ACOT11: variants seen among roughly 807,000 people sequenced by gnomAD.
ACOT11 encodes the protein acyl-coenzyme A thioesterase 11.
Under a neutral mutation model 77.5 loss-of-function variants are expected in ACOT11, and 69 were observed. The observed-to-expected ratio is 0.89, with a 90% CI of 0.73 to 1.09. The LOEUF (loss-of-function observed/expected upper bound fraction) is 1.09, where lower values mean the gene tolerates loss of function less well. ACOT11 is among the 50% of genes least tolerant of loss of function. The pLI is 0.00. For synonymous variants in ACOT11, 279 were observed against 313.0 expected (o/e 0.89, Z 1.15); for missense variants, 766 against 813.7 (o/e 0.94, Z 0.71).
intron 1 of ACOT11, among the ~76,000 whole-genome samples, chr1:54,558,159 G>A (rs552641553): frequency 1.1e-4 from 17 of 152,328 alleles, no homozygotes; most frequent in Admixed American, 2.6e-4. Flanking sequence ...GTTAGCCAGT[G>A]CTGGGTATGC....
At chr1:54,638,875 A>C (rs1644345473) in exon 17 of ACOT11, 1 of 152,156 alleles carries the variant, frequency 6.6e-6, no homozygotes, top group Middle Eastern at 3.2e-3. Context: ...GACTTTGCTC[A>C]CTAAAGTTTG....
chr1:54,610,494 C>G, downstream of ACOT11: 4 of 1,603,564 alleles, frequency 2.5e-6, no homozygotes, highest in Non-Finnish European at 3.4e-6. Context: ...CATCCCCAGG[C>G]AGCTGGAGAA....
chr1:54,572,230 T>C (rs1056050668), intron 1 of ACOT11, among the ~76,000 whole-genome samples: 3 of 152,084 alleles, frequency 2.0e-5, no homozygotes, highest in African/African-American at 7.2e-5. Flanking sequence ...TTTCTTCTCC[T>C]TTCCCTCTGC....
chr1:54,602,961 G>C (rs948697109), intron 10 of ACOT11, among the ~76,000 whole-genome samples: 19 of 152,242 alleles, frequency 1.2e-4, no homozygotes, highest in Non-Finnish European at 2.4e-4. Flanking sequence ...ATCATCAGCA[G>C]AGTCAGAATT....
intron 6 of ACOT11, among the ~76,000 whole-genome samples, 160 bp downstream of exon 6, chr1:54,594,851 T>C (rs1654842348): frequency 1.3e-5 from 2 of 152,078 alleles, no homozygotes; most frequent in Non-Finnish European, 1.5e-5. Context: ...CGAGGTCTCC[T>C]CCAGGGAAGG....
At chr1:54,603,133 T>A (rs960041939) in intron 10 of ACOT11, among the ~76,000 whole-genome samples, 7 of 152,208 alleles carry the variant, frequency 4.6e-5, no homozygotes, top group African/African-American at 1.7e-4. Flanking sequence ...GTTCAGGAGT[T>A]TGAGACTAGC....
rs1420687682 is a variant in ACOT11 at position 54,600,434 on chromosome 1, G to A, written c.885-835G>A. Among the ~76,000 whole-genome samples the A allele has an allele frequency of 3.9e-5, 6 of 152,330 alleles. No homozygotes were observed. The East Asian group carries it at 1.2e-3, about 29-fold the overall frequency. The stretch of plus-strand genomic sequence containing the variant: ...GCAGTGGCTCACGCCTGTAATCCCA[G>A]CACTTTGGGAGGCCGAGGCAGGAAG... On this transcript the variant is annotated intron_variant, in intron 8 of 15. Transcript: ENST00000343744.
At position 54,601,353 on chromosome 1, in the gene ACOT11, T is replaced by C; in HGVS notation, c.969T>C (p.Phe323=). 1 of 1,613,790 alleles carries C rather than the reference T, an allele frequency of 6.2e-7. No individual in the cohort carries two copies. Among genetic ancestry groups the C allele is most frequent in the Non-Finnish European group, 8.5e-7 (1 of 1,180,020 alleles). ...ACATCAACAGTGCCTTTATGACCTT[T>C]GTGGTCCTGGACGCAGATGACCAGC... ...RRHINSAFMT[F]VVLDADDQPQ... Residue 323 remains phenylalanine (F), a synonymous_variant, in exon 9 of 16, where the codon TTT becomes TTC. Coordinates refer to ENST00000343744, the MANE Select transcript of ACOT11 (RefSeq NM_147161.4).
rs6676584 is a variant in ACOT11, at chr1:54,635,483, A to G, written c.*754A>G. The G allele has an allele frequency of 3.9e-3, 821 of 211,358 alleles. 9 individuals carry two copies. The highest frequency in any genetic ancestry group is 0.019 in the African/African-American group (782 of 42,098). 13.1% of individuals were successfully genotyped at this position (211,358 alleles called of 1,614,324 possible). A position where few individuals can be genotyped will look rare whatever the true frequency, so the allele number is the denominator to read the frequency against. ...CTCTTAATAAGATCAAAATTTGGGA[A>G]AGAATAAAAGAGTATCTAGAAGGAC... On this transcript the variant is annotated 3_prime_UTR_variant, in exon 17 of 17. Coordinates refer to the ACOT11 transcript ENST00000371316.
At chr1:54,586,728 C>T (rs116649125) in intron 3 of ACOT11, among the ~76,000 whole-genome samples, 1,675 of 152,266 alleles carry the variant, frequency 0.011, 25 homozygotes, top group Non-Finnish European at 0.017. Flanking sequence ...GCCACCACAC[C>T]TGGCCTTTTC....
downstream of ACOT11, among the ~76,000 whole-genome samples, chr1:54,613,856 A>C (rs1644143535): frequency 6.6e-6 from 1 of 152,174 alleles, no homozygotes; most frequent in South Asian, 2.1e-4. Flanking sequence ...GAAGAGATGG[A>C]TGGGAAAGAG....
intron 1 of ACOT11, among the ~76,000 whole-genome samples, chr1:54,549,463 T>C (rs1652988143): frequency 6.6e-6 from 1 of 152,218 alleles, no homozygotes; most frequent in Non-Finnish European, 1.5e-5. Context: ...CTATGTCTTC[T>C]GCCGGAGTTA....
At chr1:54,635,301 T>G (rs946371716) in exon 17 of ACOT11, 3 of 237,802 alleles carry the variant, frequency 1.3e-5, no homozygotes, top group Non-Finnish European at 2.4e-5. Flanking sequence ...TCACACTATG[T>G]TCAGATGATC....
At chr1:54,627,687 A>G (rs1389423921) in intron 15 of ACOT11, among the ~76,000 whole-genome samples, 1 of 134,674 alleles carries the variant, frequency 7.4e-6, no homozygotes, top group Non-Finnish European at 1.7e-5. Context: ...GGAAAGTGGC[A>G]GTGGGCCCAG....
At chr1:54,624,685 G>A (rs539815967) in intron 15 of ACOT11, among the ~76,000 whole-genome samples, 2 of 152,252 alleles carry the variant, frequency 1.3e-5, no homozygotes, top group African/African-American at 4.8e-5. Flanking sequence ...GGTCAGCCAG[G>A]CTGGGAGATG....
chr1:54,586,022 T>A, intron 3 of ACOT11, 118 bp downstream of exon 3: 1 of 1,034,754 alleles, frequency 9.7e-7, no homozygotes, highest in Non-Finnish European at 1.4e-6. Flanking sequence ...CTCAACTGAC[T>A]GAAAATGAGG....
chr1:54,615,194 ACT>A (rs1262541287), downstream of ACOT11, among the ~76,000 whole-genome samples: 1 of 152,112 alleles, frequency 6.6e-6, no homozygotes, highest in Non-Finnish European at 1.5e-5. Context: ...AGCAGGGCAG[ACT>A]CAGAGGGTCC....
At chr1:54,634,826 C>G in exon 17 of ACOT11, 1 of 649,272 alleles carries the variant, frequency 1.5e-6, no homozygotes, top group Non-Finnish European at 2.8e-6. Context: ...GAGGAGGACT[C>G]CAACTATCAT....
At chr1:54,569,225 G>T (rs1488298560) in intron 1 of ACOT11, among the ~76,000 whole-genome samples, 1 of 151,520 alleles carries the variant, frequency 6.6e-6, no homozygotes, top group African/African-American at 2.4e-5. Flanking sequence ...GCCTCCCAAA[G>T]TGCTGGGATT....
Sources: allele counts gnomAD v4.1 joint callset (sites outside exome capture counted in the v4.1 genomes callset), GRCh38; gene constraint gnomAD v4.1.1; transcripts MANE v1.5; gene names NCBI Gene and HGNC (gene_info 2026-07-23, HGNC 2026-07-21).